Variants in TENM3 observed in about 807,000 individuals in gnomAD.
The protein encoded by TENM3 is teneurin transmembrane protein 3.
In TENM3, 63 loss-of-function variants were observed where a neutral mutation model predicts 255.1. The ratio of observed to expected loss-of-function variants is 0.25; its 90% CI spans 0.20 to 0.30. TENM3 has a LOEUF of 0.30. Among genes scored for constraint, TENM3 ranks in the 10% least tolerant of loss-of-function variants. The probability of loss-of-function intolerance (pLI) is 1.00; values close to 1 mark genes in which losing one functional copy is unlikely to be tolerated. For synonymous variants in TENM3, 1,306 were observed against 1,322.3 expected (o/e 0.99, Z 0.27); for missense variants, 2,929 against 3,461.1 (o/e 0.85, Z 3.86).
chr4:182,305,693 C>A (rs1433802762), intron 1 of TENM3, among the ~76,000 whole-genome samples: 1 of 152,182 alleles, frequency 6.6e-6, no homozygotes, highest in African/African-American at 2.4e-5. Context: ...TGCGGCCTTC[C>A]TGCCTTGGCC....
At chr4:182,668,571 A>C (rs762062711) in intron 6 of TENM3, among the ~76,000 whole-genome samples, 2 of 152,164 alleles carry the variant, frequency 1.3e-5, no homozygotes, top group East Asian at 3.9e-4. Context: ...CCAATCTTGG[A>C]TCTTTTGTTT....
chr4:181,495,517 G>T, the TENM3 span, among the ~76,000 whole-genome samples: 13 of 151,492 alleles, frequency 8.6e-5, no homozygotes, highest in African/African-American at 3.2e-4. Flanking sequence ...TAGACCTAAA[G>T]CTCCTTAGGA....
rs1294534492 is a variant in TENM3, at chr4:182,802,081, T to C, written c.*1730T>C. On this transcript the variant is annotated 3_prime_UTR_variant, in exon 28 of 28. Transcript: ENST00000511685. ...TGAAAATAATTTTCTAACTGCTTTG[T>C]ATGTATCACATACTCTAAATTGCAC... The C allele has an allele frequency of 6.6e-6, 1 of 152,452 alleles. No individual in the cohort carries two copies. Among genetic ancestry groups the C allele is most frequent in the Non-Finnish European group, 1.5e-5 (1 of 67,918 alleles). The allele number at this position is 152,452 out of a possible 1,614,324, so 9.4% of individuals were successfully genotyped here. A position where few individuals can be genotyped will look rare whatever the true frequency, so the allele number is the denominator to read the frequency against.
chr4:182,238,579 C>T (rs1358582074), upstream of TENM3, among the ~76,000 whole-genome samples: 6 of 152,030 alleles, frequency 3.9e-5, no homozygotes, highest in South Asian at 2.1e-4. Flanking sequence ...CTTTTTGTTC[C>T]GAGATGAGTC....
rs774052710 is a variant in TENM3, at chr4:182,792,628, G to A, written c.5956G>A (p.Gly1986Ser). ...VLKTVNLQSD[G>S]FICTIRYRQI... is the part of the protein sequence containing the mutation. ...AAAGACAGTAAACCTCCAGAGTGAT[G>A]GTTTTATTTGCACCATTAGATACAG... Residue 1986 changes from glycine to serine, a missense_variant, in exon 26 of 28, where the codon GGT becomes AGT. Around this residue, in one of 6 missense-constraint regions of TENM3, gnomAD observed 303 missense variants for 425.2 expected, o/e 0.71. Coordinates refer to ENST00000511685, the MANE Select transcript of TENM3 (RefSeq NM_001080477.4). The surrounding 1 kb of genome is among the most constrained non-coding windows in gnomAD (Gnocchi z 6.3). 7.4e-6 allele frequency: 12 copies of A among 1,613,942 alleles called. No individual in the cohort carries two copies. The highest frequency in any genetic ancestry group is 1.0e-5 in the Non-Finnish European group (12 of 1,179,886).
At chr4:182,131,565 GTTAT>G in the TENM3 span, among the ~76,000 whole-genome samples, 1 of 152,106 alleles carries the variant, frequency 6.6e-6, no homozygotes, top group African/African-American at 2.4e-5. Flanking sequence ...TCTGGTTTCA[GTTAT>G]TTATTTTAAA....
chr4:182,538,876 G>GT, intron 3 of TENM3, among the ~76,000 whole-genome samples: 1 of 152,114 alleles, frequency 6.6e-6, no homozygotes, highest in Admixed American at 6.5e-5. Context: ...ATAGAACAAG[G>GT]TTTGGGGGCT....
the TENM3 span, among the ~76,000 whole-genome samples, chr4:181,640,203 A>G: frequency 1.3e-5 from 2 of 152,084 alleles, no homozygotes; most frequent in African/African-American, 4.8e-5. Flanking sequence ...CTCAGTCCCT[A>G]CTCCAGACCT....
chr4:181,815,987 C>T, the TENM3 span, among the ~76,000 whole-genome samples: 7 of 152,150 alleles, frequency 4.6e-5, no homozygotes, highest in South Asian at 2.1e-4. Flanking sequence ...TAAAAACTTA[C>T]GGGTAAATCA....
At chr4:182,706,237 T>C (rs1306485401) in intron 12 of TENM3, among the ~76,000 whole-genome samples, 1 of 152,252 alleles carries the variant, frequency 6.6e-6, no homozygotes, top group Non-Finnish European at 1.5e-5. Flanking sequence ...GTTGGAACTT[T>C]GTCTTTGCCA....
At chr4:181,901,305 G>A in the TENM3 span, among the ~76,000 whole-genome samples, 4 of 152,152 alleles carry the variant, frequency 2.6e-5, no homozygotes. Context: ...CGCCACCCTA[G>A]TAAGGATCTT....
chr4:182,699,167 C>A (rs1424456946), intron 12 of TENM3, among the ~76,000 whole-genome samples: 3 of 152,204 alleles, frequency 2.0e-5, no homozygotes, highest in Non-Finnish European at 4.4e-5. Flanking sequence ...GTCCCAATAG[C>A]TATTGCTAAA....
At chr4:182,182,405 G>A (rs1310864347) in intron 1 of TENM3, among the ~76,000 whole-genome samples, 4 of 152,102 alleles carry the variant, frequency 2.6e-5, no homozygotes, top group Non-Finnish European at 5.9e-5. Flanking sequence ...GGGTGATGAG[G>A]CACAGAAAAT....
intron 22 of TENM3, among the ~76,000 whole-genome samples, chr4:182,771,811 G>T (rs987575269): frequency 6.6e-6 from 1 of 152,182 alleles, no homozygotes; most frequent in Non-Finnish European, 1.5e-5. Context: ...TGCTAGGGGC[G>T]TTTGGGTTGG....
chr4:182,487,219 A>G (rs953354887), intron 3 of TENM3, among the ~76,000 whole-genome samples: 18 of 152,156 alleles, frequency 1.2e-4, no homozygotes, highest in African/African-American at 4.1e-4. Context: ...GTTGTAATAT[A>G]GTTTTATGTT....
chr4:182,692,347 G>T (rs569261420), intron 12 of TENM3, among the ~76,000 whole-genome samples: 3 of 152,298 alleles, frequency 2.0e-5, no homozygotes. Context: ...TAAATACTAA[G>T]TACCAAATTT....
At chr4:182,545,978 C>G (rs1048503981) in intron 3 of TENM3, among the ~76,000 whole-genome samples, 1 of 152,178 alleles carries the variant, frequency 6.6e-6, no homozygotes, top group African/African-American at 2.4e-5. Context: ...TCGATTAACA[C>G]ATATTTGGCA....
the TENM3 span, among the ~76,000 whole-genome samples, chr4:181,524,896 G>T: frequency 1.3e-5 from 2 of 152,134 alleles, no homozygotes; most frequent in Admixed American, 6.6e-5. Context: ...AGTCTTGAAG[G>T]CTTAGAAGTT....
At chr4:181,931,740 G>A in the TENM3 span, among the ~76,000 whole-genome samples, 1 of 152,168 alleles carries the variant, frequency 6.6e-6, no homozygotes, top group Non-Finnish European at 1.5e-5. Flanking sequence ...CAAAGCTGGA[G>A]GCATCATGCT....
Sources: allele counts gnomAD v4.1 joint callset (sites outside exome capture counted in the v4.1 genomes callset), GRCh38; gene constraint gnomAD v4.1.1; regional missense constraint gnomAD v4.1.1; non-coding constraint Gnocchi (gnomAD v3.1); transcripts MANE v1.5; gene names NCBI Gene and HGNC (gene_info 2026-07-23, HGNC 2026-07-21).